Variants in RFC1 observed in about 807,000 individuals in gnomAD.
The protein encoded by RFC1 is A1 140 kDa subunit.
RFC1 carries 37 observed loss-of-function variants against 137.4 expected under a neutral mutation model. That is an observed-to-expected ratio of 0.27 (90% CI 0.21 to 0.35). The LOEUF is 0.35. RFC1 is among the 10% of genes least tolerant of loss of function. RFC1 has a pLI of 1.00. For missense variants in RFC1, 1,205 were observed against 1,358.5 expected (o/e 0.89, Z 1.78); for synonymous variants, 429 against 455.7 (o/e 0.94, Z 0.75).
rs1260912584 is a variant in RFC1 at position 39,306,482 on chromosome 4, T to C, written c.1995+110A>G. 9 of 573,776 alleles carry C rather than the reference T, an allele frequency of 1.6e-5. No individual in the cohort carries two copies. The Admixed American group carries it at 1.8e-4, about 11-fold the overall frequency. The allele number at this position is 573,776 out of a possible 1,614,324, so 35.5% of individuals were successfully genotyped here. A position where few individuals can be genotyped will look rare whatever the true frequency, so the allele number is the denominator to read the frequency against. ...TAGAAAAATAAACACAGTTTATATA[T>C]AGACACCACACACACACATGCACAC... is the stretch of plus-strand genomic sequence containing the variant. On this transcript the variant is annotated intron_variant, in intron 14 of 24. Transcript: ENST00000349703.
intron 1 of RFC1, among the ~76,000 whole-genome samples, chr4:39,357,572 G>A (rs966730300): frequency 6.6e-6 from 1 of 151,846 alleles, no homozygotes; most frequent in Non-Finnish European, 1.5e-5. Flanking sequence ...TTTCACCAGG[G>A]CTAATGTACT....
chr4:39,342,133 TA>T (rs575740971), intron 4 of RFC1, among the ~76,000 whole-genome samples: 1 of 152,074 alleles, frequency 6.6e-6, no homozygotes, highest in Non-Finnish European at 1.5e-5. Flanking sequence ...TACAAGCACT[TA>T]AAAAAAATTC....
chr4:39,299,185 C>A (rs993796858), intron 21 of RFC1, among the ~76,000 whole-genome samples: 7 of 152,186 alleles, frequency 4.6e-5, no homozygotes, highest in Admixed American at 3.9e-4. Context: ...TCCTTTAATT[C>A]GGCCCATCCC....
At chr4:39,289,279 C>T (rs919121119) in intron 24 of RFC1, among the ~76,000 whole-genome samples, 4 of 152,106 alleles carry the variant, frequency 2.6e-5, no homozygotes, top group Non-Finnish European at 4.4e-5. Context: ...CTGTTAGGGT[C>T]GACATGGGAG....
intron 7 of RFC1, chr4:39,322,208 C>G (rs1486933723): frequency 6.6e-6 from 1 of 152,008 alleles, no homozygotes; most frequent in African/African-American, 2.4e-5. Flanking sequence ...GAGTTCAAAA[C>G]CAGCTTGGGC....
chr4:39,308,475 C>T, intron 13 of RFC1, among the ~76,000 whole-genome samples, 161 bp downstream of exon 13: 1 of 152,178 alleles, frequency 6.6e-6, no homozygotes, highest in East Asian at 1.9e-4. Flanking sequence ...TTGTTCACAA[C>T]ACCACCAGCA....
chr4:39,302,452 T>C (rs1738409927), intron 18 of RFC1, 48 bp downstream of exon 18: 2 of 1,511,288 alleles, frequency 1.3e-6, no homozygotes, highest in Non-Finnish European at 1.8e-6. Flanking sequence ...GTTGAAAGCA[T>C]TAGTTAAAAA....
chr4:39,342,535 T>G, intron 3 of RFC1, 68 bp from the exon 4 acceptor site: 1 of 1,494,118 alleles, frequency 6.7e-7, no homozygotes, highest in Non-Finnish European at 9.1e-7. Context: ...ATGTTTAAAG[T>G]AGTCACGGTG....
At chr4:39,347,056 C>A (rs905431726) in intron 2 of RFC1, among the ~76,000 whole-genome samples, 4 of 152,180 alleles carry the variant, frequency 2.6e-5, no homozygotes, top group Admixed American at 6.5e-5. Flanking sequence ...TACACTGTAT[C>A]GTTCACAATG....
At chr4:39,306,160 G>A (rs1039018373) in intron 14 of RFC1, among the ~76,000 whole-genome samples, 3 of 152,192 alleles carry the variant, frequency 2.0e-5, no homozygotes, top group South Asian at 2.1e-4. Flanking sequence ...ACCCTGAGTC[G>A]CGCTACCGGG....
chr4:39,347,867 A>G (rs1458355869), intron 2 of RFC1, among the ~76,000 whole-genome samples: 2 of 152,198 alleles, frequency 1.3e-5, no homozygotes, highest in Non-Finnish European at 2.9e-5. Flanking sequence ...TGGAAGAAAG[A>G]CAATTCTTAT....
At chr4:39,358,182 G>A (rs1034011848) in intron 1 of RFC1, among the ~76,000 whole-genome samples, 2 of 152,010 alleles carry the variant, frequency 1.3e-5, no homozygotes, top group African/African-American at 4.8e-5. Context: ...GGCTGAGACA[G>A]GAGAATCACT....
intron 13 of RFC1, among the ~76,000 whole-genome samples, chr4:39,307,161 G>A (rs1157818172): frequency 6.6e-6 from 1 of 152,148 alleles, no homozygotes; most frequent in Non-Finnish European, 1.5e-5. Context: ...CGGAATGGCT[G>A]AGCACAGAGC....
intron 1 of RFC1, among the ~76,000 whole-genome samples, chr4:39,352,748 A>G (rs1158870052): frequency 6.6e-6 from 1 of 152,196 alleles, no homozygotes; most frequent in Non-Finnish European, 1.5e-5. Context: ...CTCTGCTTAT[A>G]GAGAAGGGTA....
At chr4:39,306,474 T>C in intron 14 of RFC1, 118 bp downstream of exon 14, 2 of 564,782 alleles carry the variant, frequency 3.5e-6, no homozygotes, top group Middle Eastern at 4.6e-4. Context: ...ATAAACACAG[T>C]TTATATATAG....
intron 4 of RFC1, among the ~76,000 whole-genome samples, chr4:39,329,946 A>G (rs1279066670): frequency 6.6e-6 from 1 of 151,978 alleles, no homozygotes; most frequent in Non-Finnish European, 1.5e-5. Context: ...GAGGCAGGAG[A>G]ATCACTTGAA....
chr4:39,311,630 G>A, intron 11 of RFC1, 81 bp from the exon 12 acceptor site: 4 of 1,006,046 alleles, frequency 4.0e-6, no homozygotes, highest in East Asian at 2.7e-5. Context: ...AAAATTCTAG[G>A]GCCTATTAGT....
At chr4:39,310,280 A>G (rs1738902006) in intron 12 of RFC1, among the ~76,000 whole-genome samples, 1 of 152,220 alleles carries the variant, frequency 6.6e-6, no homozygotes, top group Admixed American at 6.5e-5. Flanking sequence ...GAAGACTAAG[A>G]AGACACAACT....
rs970461214 is a variant in RFC1 at position 39,299,610 on chromosome 4, C to CAA, written c.2808+409_2808+410dup. Among the ~76,000 whole-genome samples the CAA allele has an allele frequency of 4.4e-3, 177 of 40,390 alleles. 1 individual carries two copies. Among genetic ancestry groups the CAA allele is most frequent in the African/African-American group, 0.015 (163 of 11,044 alleles). 26.5% of individuals were successfully genotyped at this position (40,390 alleles called of 152,430 possible). On this transcript the variant is annotated intron_variant, in intron 21 of 24. Transcript: ENST00000349703. ...CCTGGGCAACACAGCAACACTGTCT[C>CAA]AAAAAAAAAAAAAAAAAAAGAAAGA...
Sources: allele counts gnomAD v4.1 joint callset (sites outside exome capture counted in the v4.1 genomes callset), GRCh38; gene constraint gnomAD v4.1.1; transcripts MANE v1.5; gene names NCBI Gene and HGNC (gene_info 2026-07-23, HGNC 2026-07-21).